The following GRID1 variants were observed in gnomAD, a reference collection of about 807,000 sequenced individuals.
The protein encoded by GRID1 is glutamate ionotropic receptor delta type subunit 1.
GRID1 carries 28 observed loss-of-function variants against 98.0 expected under a neutral mutation model. The ratio of observed to expected loss-of-function variants is 0.29; its 90% confidence interval spans 0.21 to 0.39. The LOEUF (loss-of-function observed/expected upper bound fraction) is 0.39, where lower values mean the gene tolerates loss of function less well. Ranked by LOEUF, GRID1 falls within the 10% of genes least tolerant of loss-of-function variation. The probability of loss-of-function intolerance (pLI) is 1.00; values close to 1 mark genes in which losing one functional copy is unlikely to be tolerated. For synonymous variants in GRID1, 553 were observed against 538.5 expected, an observed-to-expected ratio of 1.03 and a Z score of -0.37; for missense variants, 1,111 against 1,340.5, an observed-to-expected ratio of 0.83 and a Z score of 2.67.
chr10:86,278,235 CA>C (rs1358609948), intron 2 of GRID1, among the ~76,000 whole-genome samples: 1 of 151,844 alleles, frequency 6.6e-6, no homozygotes, highest in African/African-American at 2.4e-5. Flanking sequence ...AAATCATAAT[CA>C]AAAAAGAAGT....
At chr10:86,035,059 C>T (rs1843241052) in intron 4 of GRID1, among the ~76,000 whole-genome samples, 1 of 152,052 alleles carries the variant, frequency 6.6e-6, no homozygotes. Context: ...GGAGCACAGT[C>T]ATTTGGAAAG....
intron 6 of GRID1, among the ~76,000 whole-genome samples, chr10:85,868,494 C>T (rs2131792558): frequency 6.6e-6 from 1 of 152,278 alleles, no homozygotes; most frequent in Non-Finnish European, 1.5e-5. Context: ...GGGTGGGGTT[C>T]CATGTTATGG....
At chr10:85,831,663 G>C (rs1171549230) in intron 8 of GRID1, among the ~76,000 whole-genome samples, 1 of 151,890 alleles carries the variant, frequency 6.6e-6, no homozygotes, top group Non-Finnish European at 1.5e-5. Flanking sequence ...CCAAAAAAAC[G>C]ACTAGAAAAA....
At chr10:85,977,859 A>T (rs1195097987) in intron 4 of GRID1, among the ~76,000 whole-genome samples, 1 of 152,102 alleles carries the variant, frequency 6.6e-6, no homozygotes, top group Non-Finnish European at 1.5e-5. Flanking sequence ...CCCAACACTA[A>T]TCATGCCCTG....
intron 4 of GRID1, among the ~76,000 whole-genome samples, chr10:86,088,893 C>T (rs1370462378): frequency 6.7e-6 from 1 of 149,812 alleles, no homozygotes; most frequent in Non-Finnish European, 1.5e-5. Flanking sequence ...TCAATAGATG[C>T]AGGCAAAAAA....
intron 2 of GRID1, among the ~76,000 whole-genome samples, chr10:86,339,704 G>A (rs1400621935): frequency 6.6e-6 from 1 of 152,208 alleles, no homozygotes; most frequent in African/African-American, 2.4e-5. Context: ...GCAGACCAAA[G>A]TGACCTCAAG....
chr10:86,200,632 G>C (rs1440759824), intron 3 of GRID1, among the ~76,000 whole-genome samples: 1 of 152,142 alleles, frequency 6.6e-6, no homozygotes, highest in Admixed American at 6.5e-5. Flanking sequence ...AAAAGAGCTA[G>C]CCATAAAAAA....
At chr10:85,796,971 GA>G (rs955559722) in intron 8 of GRID1, among the ~76,000 whole-genome samples, 107 of 152,188 alleles carry the variant, frequency 7.0e-4, no homozygotes, top group African/African-American at 2.5e-3. Context: ...AATAAGAAAA[GA>G]AACAAACCTA....
chr10:85,631,777 G>T (rs1179262367), intron 13 of GRID1, among the ~76,000 whole-genome samples: 1 of 152,078 alleles, frequency 6.6e-6, no homozygotes, highest in Non-Finnish European at 1.5e-5. Context: ...TGACCTAAAA[G>T]AAAGAGCAAA....
At chr10:86,308,655 T>C (rs1847792088) in intron 2 of GRID1, among the ~76,000 whole-genome samples, 1 of 152,172 alleles carries the variant, frequency 6.6e-6, no homozygotes, top group Non-Finnish European at 1.5e-5. Flanking sequence ...AACGGAATGC[T>C]CGAGACTGGG....
At chr10:85,680,288 T>G (rs193071926) in intron 12 of GRID1, among the ~76,000 whole-genome samples, 11 of 152,150 alleles carry the variant, frequency 7.2e-5, no homozygotes, top group Admixed American at 6.5e-4. Context: ...TGTATTTCCT[T>G]CCTCCATTCC....
intron 4 of GRID1, among the ~76,000 whole-genome samples, chr10:86,009,652 G>A (rs1421038778): frequency 1.3e-5 from 2 of 152,172 alleles, no homozygotes; most frequent in African/African-American, 4.8e-5. Flanking sequence ...GCTGCTATTA[G>A]ATTTCAGTTT....
chr10:85,894,922 C>T (rs867786678), intron 5 of GRID1, among the ~76,000 whole-genome samples: 30 of 149,372 alleles, frequency 2.0e-4, no homozygotes, highest in South Asian at 6.3e-4. Context: ...GCAGGAGAAT[C>T]GCTTGAACCT....
rs1420093665 is a variant in GRID1, at chr10:85,768,005, G to GT, written c.1234-38392dup. On this transcript the variant is annotated intron_variant, in intron 8 of 15. Coordinates refer to ENST00000327946, the MANE Select transcript of GRID1 (RefSeq NM_017551.3). ...AAAGCTTGGAAAGCAAAATCACAGAGTTAAGAGATGCATAGTAATCCCCAA... is the reference window on the plus strand; with the variant it reads ...AAAGCTTGGAAAGCAAAATCACAGAGTTTAAGAGATGCATAGTAATCCCCAA... Among the ~76,000 whole-genome samples the GT allele has an allele frequency of 3.3e-5, 5 of 152,284 alleles. No individual in the cohort carries two copies. The East Asian group carries it at 9.7e-4, about 29-fold the overall frequency.
At chr10:85,739,236 T>A (rs1192827451) in intron 8 of GRID1, among the ~76,000 whole-genome samples, 1 of 152,086 alleles carries the variant, frequency 6.6e-6, no homozygotes, top group Non-Finnish European at 1.5e-5. Flanking sequence ...ACCTGTCACA[T>A]GACTAAACGA....
intron 12 of GRID1, among the ~76,000 whole-genome samples, chr10:85,700,345 A>G (rs1841437249): frequency 6.6e-6 from 1 of 152,234 alleles, no homozygotes; most frequent in Non-Finnish European, 1.5e-5. Context: ...GAAACCAGTC[A>G]GTCAATCTCC....
intron 4 of GRID1, among the ~76,000 whole-genome samples, chr10:85,986,733 C>G (rs1018920211): frequency 3.3e-5 from 5 of 152,156 alleles, no homozygotes; most frequent in Admixed American, 1.3e-4. Flanking sequence ...AAGAGAGGTG[C>G]AACATTCATT....
rs186185725 is a variant in GRID1, at chr10:85,749,262, G to A, written c.1234-19648C>T. On this transcript the variant is annotated intron_variant, in intron 8 of 15. Transcript: ENST00000327946. ...TGGGGTCTCTTGCTTCTGGCTCAGAGCACTTAAGAGCCTGTGTGCTTATCC... is the reference window on the plus strand; with the variant it reads ...TGGGGTCTCTTGCTTCTGGCTCAGAACACTTAAGAGCCTGTGTGCTTATCC... Among the ~76,000 whole-genome samples the A allele has an allele frequency of 8.5e-4, 129 of 152,274 alleles. 1 individual carries two copies. The highest frequency in any genetic ancestry group is 6.8e-3 in the Middle Eastern group (2 of 294).
intron 4 of GRID1, among the ~76,000 whole-genome samples, chr10:86,033,549 G>T (rs937842716): frequency 6.6e-6 from 1 of 152,188 alleles, no homozygotes; most frequent in African/African-American, 2.4e-5. Context: ...CCCTTGCAGG[G>T]GGGCAGCAGT....
Sources: allele counts gnomAD v4.1 joint callset (sites outside exome capture counted in the v4.1 genomes callset), GRCh38; gene constraint gnomAD v4.1.1; transcripts MANE v1.5; gene names NCBI Gene and HGNC (gene_info 2026-07-23, HGNC 2026-07-21).